Variants in TASP1 observed in about 807,000 individuals in gnomAD.
TASP1 encodes the protein taspase 1.
TASP1 carries 16 observed loss-of-function variants against 56.6 expected under a neutral mutation model. The ratio of observed to expected loss-of-function variants is 0.28; its 90% CI spans 0.19 to 0.43. The LOEUF (loss-of-function observed/expected upper bound fraction) is 0.43, where lower values mean the gene tolerates loss of function less well. TASP1 is among the 20% of genes least tolerant of loss of function. TASP1 has a pLI of 1.00. For missense variants in TASP1, 393 were observed against 511.6 expected, an observed-to-expected ratio of 0.77 and a Z score of 2.24; for synonymous variants, 179 against 184.2, an observed-to-expected ratio of 0.97 and a Z score of 0.23.
chr20:13,175,464 A>T, the TASP1 span, among the ~76,000 whole-genome samples: 1 of 152,220 alleles, frequency 6.6e-6, no homozygotes, highest in South Asian at 2.1e-4. Flanking sequence ...CACATAGGGA[A>T]AAAAGATGAA....
chr20:13,516,966 T>G (rs770664082), intron 10 of TASP1, among the ~76,000 whole-genome samples: 12 of 151,826 alleles, frequency 7.9e-5, no homozygotes, highest in Admixed American at 2.0e-4. Context: ...ACAACTGGTT[T>G]TGTTGAGATT....
the TASP1 span, chr20:13,153,991 G>C: frequency 6.2e-7 from 1 of 1,612,914 alleles, no homozygotes. Flanking sequence ...TTTCACGCCT[G>C]TCTCTTTTCA....
the TASP1 span, among the ~76,000 whole-genome samples, chr20:13,263,149 A>G: frequency 1.3e-5 from 2 of 152,290 alleles, no homozygotes; most frequent in Admixed American, 6.5e-5. Flanking sequence ...CATGCTTGCT[A>G]TAAAATACGG....
At chr20:13,594,606 A>T (rs2047658536) in intron 4 of TASP1, among the ~76,000 whole-genome samples, 1 of 152,254 alleles carries the variant, frequency 6.6e-6, no homozygotes, top group Non-Finnish European at 1.5e-5. Context: ...TGATTCAATC[A>T]AGTGGAAAAA....
At chr20:13,511,014 A>G (rs1046798542) in intron 10 of TASP1, among the ~76,000 whole-genome samples, 2 of 152,108 alleles carry the variant, frequency 1.3e-5, no homozygotes, top group African/African-American at 4.8e-5. Context: ...AGTCATGTAC[A>G]TAACCCATAC....
chr20:13,383,060 G>A, the TASP1 span, among the ~76,000 whole-genome samples: 2 of 152,124 alleles, frequency 1.3e-5, no homozygotes, highest in Non-Finnish European at 2.9e-5. Context: ...AGATGGGAGG[G>A]TGTGTGGGCT....
At chr20:13,110,048 G>C in the TASP1 span, 3 of 1,393,912 alleles carry the variant, frequency 2.2e-6, no homozygotes, top group East Asian at 4.7e-5. Flanking sequence ...TCTGGAAAAA[G>C]AAAGTGGAAA....
chr20:13,309,812 A>T, the TASP1 span, among the ~76,000 whole-genome samples: 1 of 151,922 alleles, frequency 6.6e-6, no homozygotes, highest in East Asian at 1.9e-4. Flanking sequence ...AAACTATCCA[A>T]AAAAGAAATC....
chr20:13,362,889 C>A, the TASP1 span, among the ~76,000 whole-genome samples: 1 of 147,008 alleles, frequency 6.8e-6, no homozygotes, highest in Non-Finnish European at 1.5e-5. Flanking sequence ...TTTATAACTT[C>A]CTGAGAGATA....
At chr20:13,611,908 G>A (rs2048357788) in intron 4 of TASP1, among the ~76,000 whole-genome samples, 1 of 152,142 alleles carries the variant, frequency 6.6e-6, no homozygotes, top group Non-Finnish European at 1.5e-5. Context: ...GCTAGTCTAT[G>A]GGCCAATCAA....
intron 4 of TASP1, among the ~76,000 whole-genome samples, chr20:13,622,138 T>C (rs996881291): frequency 2.0e-5 from 3 of 152,222 alleles, no homozygotes; most frequent in Non-Finnish European, 2.9e-5. Context: ...CTGTAATAAT[T>C]GCTAACAGTT....
At chr20:13,319,084 T>C in the TASP1 span, among the ~76,000 whole-genome samples, 2 of 152,188 alleles carry the variant, frequency 1.3e-5, no homozygotes, top group Non-Finnish European at 2.9e-5. Context: ...TAGTGGAAGA[T>C]GTCGATAGTC....
At chr20:13,118,584 T>G in the TASP1 span, among the ~76,000 whole-genome samples, 1 of 152,008 alleles carries the variant, frequency 6.6e-6, no homozygotes, top group Non-Finnish European at 1.5e-5. Context: ...AATGAGAGGA[T>G]AGCCTTGTCC....
At chr20:13,439,496 G>C (rs6042100) in intron 11 of TASP1, among the ~76,000 whole-genome samples, 1 of 152,082 alleles carries the variant, frequency 6.6e-6, no homozygotes, top group South Asian at 2.1e-4. Context: ...TCACACACCG[G>C]GGCCTGTTGT....
chr20:13,602,543 TG>T (rs2048002391), intron 4 of TASP1, among the ~76,000 whole-genome samples: 1 of 152,186 alleles, frequency 6.6e-6, no homozygotes, highest in Non-Finnish European at 1.5e-5. Context: ...TCTAAACCAG[TG>T]GTCCCCAACC....
At chr20:13,246,243 A>AG in the TASP1 span, among the ~76,000 whole-genome samples, 1 of 150,458 alleles carries the variant, frequency 6.6e-6, no homozygotes, top group African/African-American at 2.5e-5. Flanking sequence ...ACTGCACTTT[A>AG]GCCTGGGCAA....
chr20:13,490,189 G>A (rs1470412179), intron 10 of TASP1, among the ~76,000 whole-genome samples: 1 of 152,058 alleles, frequency 6.6e-6, no homozygotes, highest in African/African-American at 2.4e-5. Context: ...TTTTAGGGGG[G>A]AAACCCAGGA....
chr20:13,554,183 T>C (rs912560212), intron 8 of TASP1, among the ~76,000 whole-genome samples: 3 of 152,132 alleles, frequency 2.0e-5, no homozygotes, highest in Non-Finnish European at 4.4e-5. Context: ...ATACCAGATA[T>C]GTTAGCCCTA....
At chr20:13,314,475 T>A in the TASP1 span, among the ~76,000 whole-genome samples, 5 of 151,530 alleles carry the variant, frequency 3.3e-5, no homozygotes, top group African/African-American at 4.8e-5. Context: ...GAGTGAAACA[T>A]TTAAAGTATT....
Sources: allele counts gnomAD v4.1 joint callset (sites outside exome capture counted in the v4.1 genomes callset), GRCh38; gene constraint gnomAD v4.1.1; transcripts MANE v1.5; gene names NCBI Gene and HGNC (gene_info 2026-07-23, HGNC 2026-07-21).